Variants in MARK3 observed in about 807,000 individuals in gnomAD.
The protein encoded by MARK3 is MAP/microtubule affinity-regulating kinase 3.
A neutral mutation model predicts 90.1 loss-of-function variants in MARK3; 46 were observed. The ratio of observed to expected loss-of-function variants is 0.51; its 90% CI spans 0.40 to 0.65. The LOEUF is 0.65. Among genes scored for constraint, MARK3 ranks in the 30% least tolerant of loss-of-function variants. MARK3 has a pLI of 0.00. For synonymous variants in MARK3, 321 were observed against 332.6 expected, an observed-to-expected ratio of 0.97 and a Z score of 0.38; for missense variants, 818 against 947.2, an observed-to-expected ratio of 0.86 and a Z score of 1.79.
intron 1 of MARK3, among the ~76,000 whole-genome samples, chr14:103,401,554 G>A (rs2090968178): frequency 6.6e-6 from 1 of 152,142 alleles, no homozygotes; most frequent in Admixed American, 6.5e-5. Context: ...TTTTAGGGCA[G>A]TGCTTAGGGT....
chr14:103,461,119 A>G (rs1038928653), intron 6 of MARK3, among the ~76,000 whole-genome samples: 2 of 152,210 alleles, frequency 1.3e-5, no homozygotes. Flanking sequence ...CATGGGGCTT[A>G]GAGCTAAGAG....
Position 103,457,197 on chromosome 14 carries a change from A to T in MARK3, c.468A>T (p.Arg156Ser). The T allele has an allele frequency of 6.2e-7, 1 of 1,608,230 alleles. No homozygotes were observed. Among genetic ancestry groups the T allele is most frequent in the Non-Finnish European group, 8.5e-7 (1 of 1,174,962 alleles). ...GCAGGATGAAGGAAAAAGAAGCAAG[A>T]TCTAAATTTAGACAGGTATGAATTA... The part of the protein sequence containing the change: ...AHGRMKEKEA[R>S]SKFRQIVSAV... The change falls in exon 6 of 18, where the codon AGA (arginine) becomes AGT (serine). Residue 156 changes from arginine (R) to serine (S), a missense_variant. Physicochemically the swap from Arg to Ser is moderately radical, Grantham distance 110 (BLOSUM62 -1). Around this residue, in one of 3 missense-constraint regions of MARK3, gnomAD observed 101 missense variants for 175.1 expected, o/e 0.58. Transcript: ENST00000429436.
intron 6 of MARK3, among the ~76,000 whole-genome samples, chr14:103,459,674 T>TA (rs1595779023): frequency 1.6e-5 from 1 of 63,380 alleles, no homozygotes; most frequent in East Asian, 7.8e-4. Context: ...TAATTTTTTA[T>TA]TTTTTTTTTT....
intron 2 of MARK3, among the ~76,000 whole-genome samples, chr14:103,420,814 G>A (rs1310208819): frequency 6.6e-6 from 1 of 152,124 alleles, no homozygotes; most frequent in Non-Finnish European, 1.5e-5. Context: ...CACATCCCTA[G>A]TTGAGGTTCA....
In MARK3 at chr14:103,447,606, G is replaced by T. The variant is rs117391474; in HGVS notation, c.298-1313G>T. Reference sequence around the variant, plus strand: ...CTGGTTTCCTCTTGTTTGCAAGAGGGTTGAATAGGATGGTCTCTAAAATCC... The same window carrying T: ...CTGGTTTCCTCTTGTTTGCAAGAGGTTTGAATAGGATGGTCTCTAAAATCC... On this transcript the variant is annotated intron_variant, in intron 3 of 17. Coordinates refer to ENST00000429436, the MANE Select transcript of MARK3 (RefSeq NM_001128918.3). 7.5e-3 allele frequency among the ~76,000 whole-genome samples: 1,137 copies of T among 152,244 alleles called. 6 individuals are homozygous for T. Among genetic ancestry groups the T allele is most frequent in the Admixed American group, 0.012 (178 of 15,300 alleles).
At chr14:103,412,358 A>G (rs1360924190) in intron 2 of MARK3, 4 of 630,970 alleles carry the variant, frequency 6.3e-6, no homozygotes, top group Non-Finnish European at 1.1e-5. Context: ...ATCGTGTGTG[A>G]GCAGGGAAGG....
At chr14:103,448,801 CATT>C in intron 3 of MARK3, 115 bp from the exon 4 acceptor site, 15 of 996,976 alleles carry the variant, frequency 1.5e-5, no homozygotes, top group Non-Finnish European at 2.0e-5. Context: ...GATTAATAAA[CATT>C]AGCAATGAAT....
At chr14:103,454,571 G>C (rs937738422) in intron 5 of MARK3, among the ~76,000 whole-genome samples, 1 of 152,110 alleles carries the variant, frequency 6.6e-6, no homozygotes, top group Non-Finnish European at 1.5e-5. Context: ...GTTTTGTTGA[G>C]TTTATTAAAA....
rs559829814 is a variant in MARK3, at chr14:103,459,303, C to T, written c.483+2091C>T. On this transcript the variant is annotated intron_variant, in intron 6 of 17. Coordinates refer to ENST00000429436, the MANE Select transcript of MARK3 (RefSeq NM_001128918.3). ...TAAATTCCCTGCAGAAATTCTGAAGCCTTTATTTGAGGAGCCTGTTAGTTG... is the reference window on the plus strand; with the variant it reads ...TAAATTCCCTGCAGAAATTCTGAAGTCTTTATTTGAGGAGCCTGTTAGTTG... 4.6e-5 allele frequency among the ~76,000 whole-genome samples: 7 copies of T among 152,138 alleles called. No individual in the cohort carries two copies. The East Asian group carries it at 1.3e-3, about 29-fold the overall frequency.
intron 3 of MARK3, among the ~76,000 whole-genome samples, chr14:103,431,051 C>T (rs1043927861): frequency 2.6e-5 from 4 of 151,964 alleles, no homozygotes; most frequent in Admixed American, 1.3e-4. Context: ...TCTATTCTTA[C>T]GCATCTTTTA....
chr14:103,467,797 A>G, intron 11 of MARK3: 1 of 370,460 alleles, frequency 2.7e-6, no homozygotes, highest in Non-Finnish European at 4.8e-6. Context: ...TACAACATTT[A>G]AAGTTATTTG....
chr14:103,403,716 T>A (rs1025749888), intron 1 of MARK3, among the ~76,000 whole-genome samples: 2 of 152,210 alleles, frequency 1.3e-5, no homozygotes, highest in Admixed American at 6.5e-5. Flanking sequence ...AAAATCTACC[T>A]GTTTTTGTAT....
At chr14:103,463,756 C>A (rs1027166304) in intron 7 of MARK3, among the ~76,000 whole-genome samples, 1 of 152,202 alleles carries the variant, frequency 6.6e-6, no homozygotes, top group Admixed American at 6.5e-5. Flanking sequence ...CCAAAATGGT[C>A]TTTTAAGGAA....
intron 1 of MARK3, among the ~76,000 whole-genome samples, chr14:103,397,630 C>T (rs1339596891): frequency 6.6e-6 from 1 of 152,074 alleles, no homozygotes; most frequent in Non-Finnish European, 1.5e-5. Flanking sequence ...TGGCCTGAAT[C>T]AAGATTTTTT....
intron 13 of MARK3, 68 bp from the exon 14 acceptor site, chr14:103,480,319 A>G (rs1297972204): frequency 1.4e-5 from 13 of 919,110 alleles, no homozygotes; most frequent in Admixed American, 4.2e-5. Flanking sequence ...TTATGTAGAT[A>G]AGTTCATTTT....
chr14:103,438,994 A>G (rs1200927542), intron 3 of MARK3, among the ~76,000 whole-genome samples: 1 of 147,296 alleles, frequency 6.8e-6, no homozygotes, highest in African/African-American at 2.5e-5. Flanking sequence ...TCTCTAATTA[A>G]AAAAAAAAAA....
At chr14:103,486,867 GTTTA>G (rs2093938630) in intron 14 of MARK3, among the ~76,000 whole-genome samples, 1 of 151,910 alleles carries the variant, frequency 6.6e-6, no homozygotes, top group Non-Finnish European at 1.5e-5. Flanking sequence ...TTTCTAAAAA[GTTTA>G]TTTAATTGCC....
chr14:103,387,523 G>A (rs961546776), intron 1 of MARK3, among the ~76,000 whole-genome samples: 1 of 151,884 alleles, frequency 6.6e-6, no homozygotes, highest in Non-Finnish European at 1.5e-5. Context: ...GAGACAGACC[G>A]AGACTGTCTC....
At position 103,503,354 on chromosome 14, in the gene MARK3, C is replaced by T. The variant is rs2075773657; in HGVS notation, c.*127C>T. 2.2e-5 allele frequency: 20 copies of T among 905,942 alleles called. No individual in the cohort carries two copies. In the South Asian group the frequency reaches 2.5e-4, roughly 11 times the overall value. The allele number at this position is 905,942 out of a possible 1,614,324, so 56.1% of individuals were successfully genotyped here. On this transcript the variant is annotated 3_prime_UTR_variant, in exon 18 of 18. Transcript: ENST00000429436. The stretch of plus-strand genomic sequence containing the variant: ...AAATCATGAAATTAAAGTCTGAGGA[C>T]GAGAGCACGCCTGGGAGCGAAAGCT...
Sources: gnomAD v4.1 joint callset for allele counts (sites outside exome capture counted in the v4.1 genomes callset) on GRCh38, gnomAD v4.1.1 for gene constraint, gnomAD v4.1.1 regional missense constraint, MANE v1.5 for transcripts, NCBI Gene and HGNC (gene_info 2026-07-23, HGNC 2026-07-21) for gene names.